SLC22A2: variants seen among roughly 807,000 people sequenced by gnomAD.
SLC22A2 encodes the protein organic cation transporter 2.
SLC22A2 carries 46 observed loss-of-function variants against 60.5 expected under a neutral mutation model. The observed-to-expected ratio is 0.76, with a 90% CI of 0.60 to 0.97. The LOEUF (loss-of-function observed/expected upper bound fraction) is 0.97. Among genes scored for constraint, SLC22A2 ranks in the 50% least tolerant of loss-of-function variants. The probability of loss-of-function intolerance (pLI) is 0.00; values close to 1 mark genes in which losing one functional copy is unlikely to be tolerated. For synonymous variants in SLC22A2, 303 were observed against 267.0 expected, an observed-to-expected ratio of 1.13 and a Z score of -1.31; for missense variants, 701 against 706.6, an observed-to-expected ratio of 0.99 and a Z score of 0.09.
At chr6:160,246,607 C>T (rs549969754) in intron 5 of SLC22A2, among the ~76,000 whole-genome samples, 125 of 152,146 alleles carry the variant, frequency 8.2e-4, no homozygotes, top group Non-Finnish European at 1.5e-3. Flanking sequence ...ATTAGCTTGG[C>T]GTGGTGGTGC....
chr6:160,248,203 C>G (rs915434395), intron 4 of SLC22A2, among the ~76,000 whole-genome samples: 1 of 152,040 alleles, frequency 6.6e-6, no homozygotes, highest in Non-Finnish European at 1.5e-5. Flanking sequence ...GAGAGTGGGG[C>G]CCCCAGATAT....
chr6:160,254,321 T>C (rs1052418107), intron 2 of SLC22A2, among the ~76,000 whole-genome samples: 1 of 151,898 alleles, frequency 6.6e-6, no homozygotes, highest in African/African-American at 2.4e-5. Flanking sequence ...TAATTGCTGC[T>C]TGTTAAAATT....
At chr6:160,241,766 A>G (rs1403105125) in intron 8 of SLC22A2, among the ~76,000 whole-genome samples, 180 bp from the exon 9 acceptor site, 5 of 151,826 alleles carry the variant, frequency 3.3e-5, no homozygotes, top group Non-Finnish European at 5.9e-5. Flanking sequence ...TTATTCATAC[A>G]ACCATATACC....
At chr6:160,231,070 C>G (rs530199010) in intron 9 of SLC22A2, among the ~76,000 whole-genome samples, 2 of 151,852 alleles carry the variant, frequency 1.3e-5, no homozygotes, top group East Asian at 3.9e-4. Context: ...TTAATCAATA[C>G]GGAGGCTACC....
In SLC22A2 at chr6:160,224,729, A is replaced by G. The variant is rs368218693; in HGVS notation, c.1577T>C (p.Ile526Thr). Reference sequence around the variant, plus strand: ...CCTTTGCATATTTTCGGCTTCCTCGATGGTCTCAGGCAAAGCTTTCCCTTT... The same window carrying G: ...CCTTTGCATATTTTCGGCTTCCTCGGTGGTCTCAGGCAAAGCTTTCCCTTT... ...ETKGKALPETIEEAENMQRPR... is the reference protein window; with the variant it reads ...ETKGKALPETTEEAENMQRPR... Residue 526 changes from isoleucine (I) to threonine (T), a missense_variant, in exon 10 of 11, where the codon ATC becomes ACC. Coordinates refer to ENST00000366953, the MANE Select transcript of SLC22A2 (RefSeq NM_003058.4). The G allele has an allele frequency of 2.5e-6, 4 of 1,606,058 alleles. No homozygotes were observed. The African/African-American group carries it at 5.4e-5, about 21-fold the overall frequency.
chr6:160,239,740 G>A (rs1212873648), intron 9 of SLC22A2, among the ~76,000 whole-genome samples: 1 of 152,192 alleles, frequency 6.6e-6, no homozygotes, highest in African/African-American at 2.4e-5. Flanking sequence ...TATGTCTCAG[G>A]AGTAGCACCA....
chr6:160,240,276 T>C (rs563483245), intron 9 of SLC22A2, among the ~76,000 whole-genome samples: 1 of 152,268 alleles, frequency 6.6e-6, no homozygotes, highest in East Asian at 1.9e-4. Context: ...TAAATTTACA[T>C]TTTACATATG....
chr6:160,232,254 C>T (rs1474028475), intron 9 of SLC22A2, among the ~76,000 whole-genome samples: 2 of 151,834 alleles, frequency 1.3e-5, no homozygotes, highest in African/African-American at 4.9e-5. Flanking sequence ...CCCATTTCCC[C>T]ATATTTCCTT....
Position 160,241,492 on chromosome 6 carries a change from G to C in SLC22A2, c.1483C>G (p.Leu495Val). The C allele has an allele frequency of 6.2e-7, 1 of 1,612,346 alleles. No homozygotes were observed. The highest frequency in any genetic ancestry group is 2.2e-5 in the East Asian group (1 of 44,860). The change falls in exon 9 of 11, where the codon CTC (leucine) becomes GTC (valine). Residue 495 changes from leucine to valine, a missense_variant. Transcript: ENST00000366953. ...TTCTTACCGAAAACCATCAGCGGGA[G>C]CTCAAGCCAGATGTTAGTGAGCCGG... ...VYRLTNIWLE[L>V]PLMVFGVLGL...
At chr6:160,235,315 G>T (rs1782892957) in intron 9 of SLC22A2, among the ~76,000 whole-genome samples, 1 of 151,380 alleles carries the variant, frequency 6.6e-6, no homozygotes, top group Non-Finnish European at 1.5e-5. Context: ...GGCAGTTATG[G>T]GGAGATCCTC....
chr6:160,242,337 T>C lies in SLC22A2; in HGVS notation c.1345A>G (p.Ile449Val), dbSNP rs1783022923. 1.9e-6 allele frequency: 3 copies of C among 1,610,422 alleles called. No individual in the cohort carries two copies. Among genetic ancestry groups the C allele is most frequent in the Admixed American group, 1.7e-5 (1 of 59,990 alleles). Residue 449 changes from isoleucine to valine, a missense_variant, in exon 8 of 11, where the codon ATA becomes GTA. By Grantham distance (29) the Ile-to-Val change is conservative (BLOSUM62 3). Coordinates refer to ENST00000366953, the MANE Select transcript of SLC22A2 (RefSeq NM_003058.4). ...AGCTCAGCATTGACCAGGCAGACTA[T>C]CTCATAGGCCATTGTGATCCCCATT... ...GRMGITMAYE[I>V]VCLVNAELYP...
Position 160,241,574 on chromosome 6 carries a change from G to T in SLC22A2, c.1401C>A (p.Val467=), listed in dbSNP as rs150129033. The T allele has an allele frequency of 5.6e-6, 9 of 1,611,456 alleles. No individual in the cohort carries two copies. In the Admixed American group the frequency reaches 1.3e-4, roughly 24 times the overall value. ...LYPTFIRNLG[V]HICSSMCDIG... ...TGTCACACATTGAGGAACAGATGTG[G>T]ACGCCAAGATTCCTAGAATGCAGGA... The change falls in exon 9 of 11, where the codon GTC becomes GTA. Residue 467 remains valine, a synonymous_variant. Coordinates refer to ENST00000366953, the MANE Select transcript of SLC22A2 (RefSeq NM_003058.4).
intron 9 of SLC22A2, among the ~76,000 whole-genome samples, chr6:160,237,683 C>T (rs369659681): frequency 2.6e-5 from 4 of 152,254 alleles, no homozygotes; most frequent in African/African-American, 9.6e-5. Flanking sequence ...GTGTTTGAAC[C>T]AGAGAAACTT....
At chr6:160,234,356 C>T (rs760637850) in intron 9 of SLC22A2, among the ~76,000 whole-genome samples, 81 of 152,264 alleles carry the variant, frequency 5.3e-4, no homozygotes, top group Non-Finnish European at 1.1e-3. Context: ...CGCTTGAGAG[C>T]GGATAGGACT....
rs527410938 is a variant in SLC22A2, at chr6:160,245,136, C to T, written c.1064+303G>A. 1.6e-5 allele frequency: 3 copies of T among 188,968 alleles called. No individual in the cohort carries two copies. The East Asian group carries it at 3.8e-4, about 24-fold the overall frequency. The allele number at this position is 188,968 out of a possible 1,614,324, so 11.7% of individuals were successfully genotyped here. A position where few individuals can be genotyped will look rare whatever the true frequency, so the allele number is the denominator to read the frequency against. On this transcript the variant is annotated intron_variant, in intron 6 of 10. Transcript: ENST00000366953. Reference sequence around the variant, plus strand: ...AATTAAAAAACTATTGGTTTCCAAGCCCTACCCTAGAACAATTAAATCAGT... The same window carrying T: ...AATTAAAAAACTATTGGTTTCCAAGTCCTACCCTAGAACAATTAAATCAGT...
intron 10 of SLC22A2, among the ~76,000 whole-genome samples, chr6:160,224,008 G>A (rs1293618536): frequency 3.3e-5 from 5 of 152,164 alleles, no homozygotes. Context: ...GGGATTAGAA[G>A]CATGAGCCAC....
intron 9 of SLC22A2, among the ~76,000 whole-genome samples, chr6:160,228,001 T>G (rs1782751463): frequency 6.6e-6 from 1 of 152,246 alleles, no homozygotes; most frequent in Non-Finnish European, 1.5e-5. Flanking sequence ...ATAACCCACC[T>G]TTTGTTTAGC....
chr6:160,244,130 G>T (rs531398456), intron 6 of SLC22A2: 1 of 212,544 alleles, frequency 4.7e-6, no homozygotes, highest in South Asian at 8.7e-5. Context: ...TGTTGCCCAG[G>T]CTGGAATGCA....
intron 9 of SLC22A2, among the ~76,000 whole-genome samples, chr6:160,231,892 C>T (rs951368054): frequency 1.2e-4 from 18 of 151,802 alleles, no homozygotes; most frequent in Admixed American, 1.3e-4. Context: ...GCTGTGTGGT[C>T]GGAATTCTTA....
Sources: gnomAD v4.1 joint callset for allele counts (sites outside exome capture counted in the v4.1 genomes callset) on GRCh38, gnomAD v4.1.1 for gene constraint, MANE v1.5 for transcripts, NCBI Gene and HGNC (gene_info 2026-07-23, HGNC 2026-07-21) for gene names.